EIF3H: variants seen among roughly 807,000 people sequenced by gnomAD.
EIF3H encodes eIF-3-gamma.
EIF3H carries 26 observed loss-of-function variants against 44.2 expected under a neutral mutation model. The observed-to-expected ratio is 0.59, with a 90% CI of 0.43 to 0.82. The LOEUF (loss-of-function observed/expected upper bound fraction) is 0.82, where lower values mean the gene tolerates loss of function less well. Ranked by LOEUF, EIF3H falls within the 40% of genes least tolerant of loss-of-function variation. The probability of loss-of-function intolerance (pLI) is 0.00; values close to 1 mark genes in which losing one functional copy is unlikely to be tolerated. For missense variants in EIF3H, 359 were observed against 432.8 expected (o/e 0.83, Z 1.51); for synonymous variants, 166 against 151.9 (o/e 1.09, Z -0.68).
chr8:116,691,596 C>G (rs2130861942), intron 2 of EIF3H, among the ~76,000 whole-genome samples: 1 of 151,710 alleles, frequency 6.6e-6, no homozygotes, highest in Admixed American at 6.6e-5. Context: ...CCTTTTAGGC[C>G]AGGCACAATG....
intron 2 of EIF3H, among the ~76,000 whole-genome samples, chr8:116,677,594 A>G (rs1464531898): frequency 6.6e-6 from 1 of 152,244 alleles, no homozygotes; most frequent in Non-Finnish European, 1.5e-5. Context: ...ACTAACAATA[A>G]TAGCTTCCAT....
chr8:116,725,306 CAG>C (rs1274045025), intron 2 of EIF3H, among the ~76,000 whole-genome samples: 3 of 152,172 alleles, frequency 2.0e-5, no homozygotes, highest in South Asian at 2.1e-4. Context: ...TCGATGGATA[CAG>C]AGTTTGAGCT....
At chr8:116,749,542 T>G (rs1161092422) in intron 1 of EIF3H, among the ~76,000 whole-genome samples, 1 of 152,116 alleles carries the variant, frequency 6.6e-6, no homozygotes, top group Admixed American at 6.6e-5. Context: ...ACAAAGTGGG[T>G]TCAACATGAA....
chr8:116,705,451 G>A (rs1430273726), intron 2 of EIF3H, among the ~76,000 whole-genome samples: 2 of 151,162 alleles, frequency 1.3e-5, no homozygotes, highest in Non-Finnish European at 2.9e-5. Flanking sequence ...AAGTGACCAA[G>A]GTTAGCATCA....
At chr8:116,755,922 C>T (rs1563664547), upstream of EIF3H, 4 of 1,542,136 alleles carry the variant, frequency 2.6e-6, no homozygotes, top group South Asian at 1.2e-5. Flanking sequence ...CAAAATTGGG[C>T]CCCGCCTCCC....
chr8:116,696,125 ATTC>A (rs1444943128), intron 2 of EIF3H, among the ~76,000 whole-genome samples: 1 of 152,226 alleles, frequency 6.6e-6, no homozygotes. Context: ...TCTAAATACC[ATTC>A]TTCTCTTGGA....
upstream of EIF3H, chr8:116,766,276 T>C (rs1815572471): frequency 7.3e-5 from 20 of 272,740 alleles, no homozygotes; most frequent in South Asian, 1.1e-3. Context: ...GGTAACACGC[T>C]AAATGTATTC....
intron 2 of EIF3H, among the ~76,000 whole-genome samples, chr8:116,705,325 G>C (rs941593099): frequency 6.6e-6 from 1 of 152,136 alleles, no homozygotes; most frequent in Admixed American, 6.5e-5. Context: ...TTTTATCCAA[G>C]AGAAATGAAT....
upstream of EIF3H, chr8:116,755,986 C>A: frequency 6.5e-7 from 1 of 1,536,202 alleles, no homozygotes; most frequent in East Asian, 2.4e-5. Flanking sequence ...TGCATGCCTA[C>A]TGTACATTTT....
intron 2 of EIF3H, among the ~76,000 whole-genome samples, chr8:116,699,702 A>C (rs1211409590): frequency 6.6e-6 from 1 of 152,232 alleles, no homozygotes; most frequent in East Asian, 1.9e-4. Context: ...CTAGAAATTG[A>C]AATTATAAAA....
chr8:116,709,816 C>A (rs944015472), intron 2 of EIF3H, among the ~76,000 whole-genome samples: 6 of 152,218 alleles, frequency 3.9e-5, no homozygotes, highest in Middle Eastern at 6.8e-3. Flanking sequence ...AAAATTAAAT[C>A]AAAAAATACG....
intron 2 of EIF3H, among the ~76,000 whole-genome samples, chr8:116,715,145 A>C (rs1814640875): frequency 2.0e-5 from 3 of 152,114 alleles, no homozygotes; most frequent in Non-Finnish European, 2.9e-5. Context: ...TACTCTAAAT[A>C]CATCAATATT....
chr8:116,648,902 C>T lies in EIF3H; in HGVS notation c.732G>A (p.Gln244=), dbSNP rs779149060. The T allele has an allele frequency of 2.5e-5, 40 of 1,611,504 alleles. 1 individual carries two copies. The South Asian group carries it at 4.2e-4, about 17-fold the overall frequency. ...TTTCATCCACTCTGTCCATCAGCAA[C>T]TGTAGATTCTTCCCCAAATGATTGC... ...ASSNHLGKNL[Q]LLMDRVDEMS... is the part of the protein sequence containing the mutation. Residue 244 remains glutamine, a synonymous_variant, in exon 6 of 8, where the codon CAG becomes CAA. Transcript: ENST00000521861.
At chr8:116,679,426 G>C (rs1586451064) in intron 2 of EIF3H, among the ~76,000 whole-genome samples, 3 of 56,890 alleles carry the variant, frequency 5.3e-5, no homozygotes, top group East Asian at 4.4e-4. Context: ...TCAGCCCCCC[G>C]CCTGGCCAGC....
intron 1 of EIF3H, among the ~76,000 whole-genome samples, chr8:116,750,469 G>T (rs1400484188): frequency 2.0e-5 from 3 of 150,186 alleles, no homozygotes; most frequent in Non-Finnish European, 4.4e-5. Flanking sequence ...GAGTGCAGTG[G>T]TGCAATCTCG....
At chr8:116,748,119 T>A in intron 1 of EIF3H, among the ~76,000 whole-genome samples, 1 of 149,586 alleles carries the variant, frequency 6.7e-6, no homozygotes, top group Admixed American at 6.7e-5. Flanking sequence ...GCCATTGCAC[T>A]CCAGCCTGGG....
chr8:116,754,715 G>C (rs781771934), intron 1 of EIF3H, among the ~76,000 whole-genome samples: 3 of 152,196 alleles, frequency 2.0e-5, no homozygotes, highest in Non-Finnish European at 4.4e-5. Flanking sequence ...GACTGAATGA[G>C]CTCTTAACCA....
At chr8:116,690,069 T>C (rs111571664) in intron 2 of EIF3H, among the ~76,000 whole-genome samples, 594 of 152,320 alleles carry the variant, frequency 3.9e-3, no homozygotes, top group Non-Finnish European at 7.0e-3. Flanking sequence ...AAGTCAGTCA[T>C]ATCTGTTTTT....
At position 116,764,905 on chromosome 8, in the gene EIF3H, A is replaced by G. The variant is rs1815553630; in HGVS notation, c.-27+610T>C. On this transcript the variant is annotated intron_variant, in intron 1 of 9. Transcript: ENST00000276682. Reference sequence around the variant, plus strand: ...AGATAGGGTGCAAACTGGCACTGTCATATACATAGAGCTTGGGGAAAAAAT... The same window carrying G: ...AGATAGGGTGCAAACTGGCACTGTCGTATACATAGAGCTTGGGGAAAAAAT... Among the ~76,000 whole-genome samples, 9 of 152,232 alleles carry G rather than the reference A, an allele frequency of 5.9e-5. No homozygotes were observed. The South Asian group carries it at 1.9e-3, about 32-fold the overall frequency.
Sources: allele counts gnomAD v4.1 joint callset (sites outside exome capture counted in the v4.1 genomes callset), GRCh38; gene constraint gnomAD v4.1.1; transcripts MANE v1.5; gene names NCBI Gene and HGNC (gene_info 2026-07-23, HGNC 2026-07-21).